CTNNA2: variants seen among roughly 807,000 people sequenced by gnomAD.
CTNNA2 encodes catenin alpha 2, also known as catenin alpha-2.
CTNNA2 carries 42 observed loss-of-function variants against 101.0 expected under a neutral mutation model. The ratio of observed to expected loss-of-function variants is 0.42; its 90% confidence interval spans 0.32 to 0.54. CTNNA2 has a LOEUF of 0.54. Ranked by LOEUF, CTNNA2 falls within the 20% of genes least tolerant of loss-of-function variation. The pLI is 0.14. For synonymous variants in CTNNA2, 450 were observed against 456.4 expected (o/e 0.99, Z 0.18); for missense variants, 871 against 1,223.1 (o/e 0.71, Z 4.29).
intron 7 of CTNNA2, among the ~76,000 whole-genome samples, chr2:80,286,993 A>G (rs546165784): frequency 4.6e-5 from 7 of 152,318 alleles, no homozygotes; most frequent in Non-Finnish European, 8.8e-5. Flanking sequence ...GACACAAAAT[A>G]TATAGACATG....
In CTNNA2 at chr2:80,609,222, G is replaced by T. The variant is rs537920093; in HGVS notation, c.2430+904G>T. On this transcript the variant is annotated intron_variant, in intron 17 of 18. Coordinates refer to ENST00000402739, the MANE Select transcript of CTNNA2 (RefSeq NM_001282597.3). ...CGTGGTGAATACCTTATGAAAATCA[G>T]ACTAGTCACAAAGCTCAGGTCTTCC... 3.3e-5 allele frequency among the ~76,000 whole-genome samples: 5 copies of T among 151,920 alleles called. No homozygotes were observed. The South Asian group carries it at 1.0e-3, about 31-fold the overall frequency.
intron 7 of CTNNA2, among the ~76,000 whole-genome samples, chr2:80,238,982 G>A (rs2149087741): frequency 6.6e-6 from 1 of 152,198 alleles, no homozygotes; most frequent in African/African-American, 2.4e-5. Flanking sequence ...TGTTAAGAGG[G>A]GGCGTAAAAT....
intron 7 of CTNNA2, among the ~76,000 whole-genome samples, chr2:80,320,246 T>G (rs1200034680): frequency 6.6e-6 from 1 of 152,192 alleles, no homozygotes; most frequent in Non-Finnish European, 1.5e-5. Context: ...ATGAGATAAT[T>G]TTATTGTTTT....
At chr2:79,328,290 AAG>A in intron 3 of CTNNA2, among the ~76,000 whole-genome samples, 1 of 152,244 alleles carries the variant, frequency 6.6e-6, no homozygotes, top group South Asian at 2.1e-4. Context: ...CAAGGAGCAA[AAG>A]AGAGAGAGCA....
At chr2:79,779,401 C>G (rs990325048) in intron 3 of CTNNA2, among the ~76,000 whole-genome samples, 2 of 152,092 alleles carry the variant, frequency 1.3e-5, no homozygotes, top group African/African-American at 4.8e-5. Context: ...GGTCAAGCAT[C>G]CAGTGGGAGG....
At position 80,544,949 on chromosome 2, in the gene CTNNA2, A is replaced by AC. The variant is rs956019536; in HGVS notation, c.1291-31dup. 2.5e-6 allele frequency: 4 copies of AC among 1,590,992 alleles called. No individual in the cohort carries two copies. The African/African-American group carries it at 5.4e-5, about 21-fold the overall frequency. On this transcript the variant is annotated intron_variant, in intron 9 of 18. Transcript: ENST00000402739. ...AACAGTATACTTTCCCTTTGCCCCA[A>AC]CCTAATATTCACTAAAATCCTCTTC...
chr2:79,458,285 A>T (rs1181403126), intron 4 of CTNNA2, among the ~76,000 whole-genome samples: 1 of 152,314 alleles, frequency 6.6e-6, no homozygotes, highest in East Asian at 1.9e-4. Context: ...GTATCATTTT[A>T]TTTCTTATAA....
intron 9 of CTNNA2, among the ~76,000 whole-genome samples, chr2:80,456,381 A>G (rs550598867): frequency 1.1e-4 from 16 of 152,306 alleles, no homozygotes; most frequent in African/African-American, 3.8e-4. Context: ...CTGCCATTCC[A>G]GGAATCACCA....
chr2:80,464,574 T>G (rs952063001), intron 9 of CTNNA2, among the ~76,000 whole-genome samples: 5 of 152,282 alleles, frequency 3.3e-5, no homozygotes, highest in Middle Eastern at 3.4e-3. Flanking sequence ...TAATGGTGTC[T>G]GTAATAATGG....
Position 79,520,183 on chromosome 2 carries a change from A to T in CTNNA2, c.-6+6976A>T, listed in dbSNP as rs1672028959. On this transcript the variant is annotated intron_variant, in intron 1 of 18. Coordinates refer to ENST00000402739, the MANE Select transcript of CTNNA2 (RefSeq NM_001282597.3). The stretch of plus-strand genomic sequence containing the variant: ...AGTGAATACTTTGTTGTGGATTGAC[A>T]AACACACCTGTGTAACCAGCAGTGC... 2.0e-5 allele frequency among the ~76,000 whole-genome samples: 3 copies of T among 152,228 alleles called. 1 individual carries two copies. In the South Asian group the frequency reaches 6.2e-4, roughly 32 times the overall value.
At chr2:80,034,044 C>T (rs6729700) in intron 7 of CTNNA2, among the ~76,000 whole-genome samples, 65,051 of 147,614 alleles carry the variant, frequency 0.44, 16,165 homozygotes, top group East Asian at 0.87. Flanking sequence ...AGTAGAGAGG[C>T]GGCTTTTAAA....
chr2:79,768,592 A>G (rs1673337358), intron 3 of CTNNA2, among the ~76,000 whole-genome samples: 1 of 151,960 alleles, frequency 6.6e-6, no homozygotes, highest in South Asian at 2.1e-4. Flanking sequence ...CAATTAGTCC[A>G]CAATAGCATC....
At chr2:79,289,331 A>G (rs1008420273) in intron 2 of CTNNA2, among the ~76,000 whole-genome samples, 1 of 152,154 alleles carries the variant, frequency 6.6e-6, no homozygotes, top group Non-Finnish European at 1.5e-5. Flanking sequence ...AATAATTTTC[A>G]TAGGTAAATA....
At chr2:80,311,312 A>G (rs1472529857) in intron 7 of CTNNA2, among the ~76,000 whole-genome samples, 1 of 152,216 alleles carries the variant, frequency 6.6e-6, no homozygotes, top group Non-Finnish European at 1.5e-5. Context: ...CACACTTTTC[A>G]TCCTCAATAG....
At chr2:79,371,789 A>C (rs1322713245) in intron 3 of CTNNA2, among the ~76,000 whole-genome samples, 1 of 152,036 alleles carries the variant, frequency 6.6e-6, no homozygotes, top group Non-Finnish European at 1.5e-5. Flanking sequence ...TGACACCCTT[A>C]ATGATTCTGA....
chr2:79,690,231 G>C (rs1684198366), intron 2 of CTNNA2, among the ~76,000 whole-genome samples: 1 of 152,060 alleles, frequency 6.6e-6, no homozygotes, highest in Non-Finnish European at 1.5e-5. Context: ...TGGGATTAAA[G>C]TGATAGAGAT....
intron 2 of CTNNA2, among the ~76,000 whole-genome samples, chr2:79,271,156 T>G (rs1675072446): frequency 6.6e-6 from 1 of 152,060 alleles, no homozygotes; most frequent in Non-Finnish European, 1.5e-5. Context: ...AATAAATATA[T>G]TCTCCCTTTG....
intron 7 of CTNNA2, among the ~76,000 whole-genome samples, chr2:80,172,356 T>A (rs903632607): frequency 6.6e-6 from 1 of 152,160 alleles, no homozygotes; most frequent in Non-Finnish European, 1.5e-5. Flanking sequence ...GCTATACAGG[T>A]TCTAGGTTAC....
At chr2:79,982,465 T>G (rs926440951) in intron 7 of CTNNA2, among the ~76,000 whole-genome samples, 1 of 132,998 alleles carries the variant, frequency 7.5e-6, no homozygotes, top group Non-Finnish European at 1.5e-5. Context: ...TATTACAGAC[T>G]CCTAACTACA....
Sources: gnomAD v4.1 joint callset for allele counts (sites outside exome capture counted in the v4.1 genomes callset) on GRCh38, gnomAD v4.1.1 for gene constraint, MANE v1.5 for transcripts, NCBI Gene and HGNC (gene_info 2026-07-23, HGNC 2026-07-21) for gene names.